The following BORCS7 variants were observed in gnomAD, a reference collection of about 807,000 sequenced individuals.
The protein encoded by BORCS7 is BLOC-1 related complex subunit 7, also known as BLOC-1-related complex subunit 7.
Under a neutral mutation model 17.5 loss-of-function variants are expected in BORCS7, and 20 were observed. The observed-to-expected ratio is 1.14, with a 90% CI of 0.80 to 1.66. The LOEUF is 1.66. Among genes scored for constraint, BORCS7 ranks in the 40% most tolerant of loss-of-function variants. BORCS7 has a pLI of 0.00. For missense variants in BORCS7, 122 were observed against 129.7 expected, an observed-to-expected ratio of 0.94 and a Z score of 0.29; for synonymous variants, 57 against 49.8, an observed-to-expected ratio of 1.14 and a Z score of -0.61.
rs1267060994 is a variant in BORCS7 at position 102,855,817 on chromosome 10, GTGGCCCGATCTC to G, written c.141+1391_141+1402del. 4.6e-5 allele frequency among the ~76,000 whole-genome samples: 7 copies of G among 152,218 alleles called. No homozygotes were observed. The South Asian group carries it at 1.0e-3, about 23-fold the overall frequency. The stretch of plus-strand genomic sequence containing the variant: ...GCTCTGTCACCCAGGCTAAAGTGCA[GTGGCCCGATCTC>G]GGGCTCACTGCAACCTCTGCCTCCT... On this transcript the variant is annotated intron_variant, in intron 1 of 4. Coordinates refer to ENST00000339834, the MANE Select transcript of BORCS7 (RefSeq NM_001136200.2).
At chr10:102,860,256 A>T in intron 1 of BORCS7, 76 bp from the exon 2 acceptor site, 1 of 1,216,384 alleles carries the variant, frequency 8.2e-7, no homozygotes, top group Non-Finnish European at 1.2e-6. Flanking sequence ...AGAGGGTAGT[A>T]GTGTAACAGC....
At chr10:102,854,591 G>C (rs1844394477) in intron 1 of BORCS7, 164 bp downstream of exon 1, 1 of 835,156 alleles carries the variant, frequency 1.2e-6, no homozygotes. Context: ...GGGGTGTGCA[G>C]TCTCTTTGGT....
intron 2 of BORCS7, 39 bp downstream of exon 2, chr10:102,860,433 G>GTA (rs1844498379): frequency 6.2e-7 from 1 of 1,610,444 alleles, no homozygotes; most frequent in Non-Finnish European, 8.5e-7. Flanking sequence ...TTGGGTTTAT[G>GTA]TATATGGTTT....
intron 3 of BORCS7, chr10:102,860,869 C>G: frequency 2.4e-6 from 1 of 421,774 alleles, no homozygotes; most frequent in African/African-American, 2.0e-5. Flanking sequence ...GGCCGTTGAT[C>G]AGTATTTGAT....
At chr10:102,860,250 G>T in intron 1 of BORCS7, 82 bp from the exon 2 acceptor site, 1 of 1,144,198 alleles carries the variant, frequency 8.7e-7, no homozygotes, top group East Asian at 2.5e-5. Flanking sequence ...GAGGAGAGAG[G>T]GTAGTAGTGT....
rs1004415032 is a variant in BORCS7, at chr10:102,864,816, A to G, written c.*1892A>G. ...AATGGTGATCAAAAACATGGAAAAA[A>G]TACTTCACTAAATAACGTCTAAGTT... On this transcript the variant is annotated 3_prime_UTR_variant, in exon 5 of 5. Coordinates refer to ENST00000339834, the MANE Select transcript of BORCS7 (RefSeq NM_001136200.2). The G allele has an allele frequency of 7.9e-5, 12 of 152,162 alleles. No homozygotes were observed. Among genetic ancestry groups the G allele is most frequent in the Admixed American group, 3.9e-4 (6 of 15,276 alleles). 9.4% of individuals were successfully genotyped at this position (152,162 alleles called of 1,614,324 possible).
chr10:102,855,881 C>T (rs1320810681), intron 1 of BORCS7, among the ~76,000 whole-genome samples: 1 of 152,160 alleles, frequency 6.6e-6, no homozygotes, highest in African/African-American at 2.4e-5. Context: ...CCTGCCTCAG[C>T]CTCCTGAGTA....
Position 102,863,054 on chromosome 10 carries a change from G to T in BORCS7, c.*130G>T. 1.2e-6 allele frequency: 1 copy of T among 827,558 alleles called. No homozygotes were observed. Among genetic ancestry groups the T allele is most frequent in the South Asian group, 1.5e-5 (1 of 64,670 alleles). The allele number at this position is 827,558 out of a possible 1,614,324, so 51.3% of individuals were successfully genotyped here. A position where few individuals can be genotyped will look rare whatever the true frequency, so the allele number is the denominator to read the frequency against. Reference sequence around the variant, plus strand: ...TTAAGTTAGAAAAGTTCTGTGTTAGGGCCGGGCGCGGTAGCTCACGCCTGT... The same window carrying T: ...TTAAGTTAGAAAAGTTCTGTGTTAGTGCCGGGCGCGGTAGCTCACGCCTGT... On this transcript the variant is annotated 3_prime_UTR_variant, in exon 5 of 5. Coordinates refer to ENST00000339834, the MANE Select transcript of BORCS7 (RefSeq NM_001136200.2).
chr10:102,854,294 C>T lies in BORCS7; in HGVS notation c.8C>T (p.Ala3Val). The change falls in exon 1 of 5, where the codon GCG (alanine) becomes GTG (valine). Residue 3 changes from alanine to valine, a missense_variant. Coordinates refer to ENST00000339834, the MANE Select transcript of BORCS7 (RefSeq NM_001136200.2). Reference sequence around the variant, plus strand: ...AACCGTTCGCTAACTGAAATGATGGCGACTGGAACGCCAGAGTCTCAAGCG... The same window carrying T: ...AACCGTTCGCTAACTGAAATGATGGTGACTGGAACGCCAGAGTCTCAAGCG... MM[A>V]TGTPESQARF... 1 of 1,605,612 alleles carries T rather than the reference C, an allele frequency of 6.2e-7. No homozygotes were observed. Among genetic ancestry groups the T allele is most frequent in the Admixed American group, 1.7e-5 (1 of 58,788 alleles).
chr10:102,858,540 C>G (rs1162477772), intron 1 of BORCS7, among the ~76,000 whole-genome samples: 4 of 152,012 alleles, frequency 2.6e-5, no homozygotes. Context: ...ATCCCAGCTA[C>G]TCAGGAGGCT....
intron 1 of BORCS7, 100 bp downstream of exon 1, chr10:102,854,527 T>G (rs960107141): frequency 3.3e-5 from 46 of 1,376,100 alleles, no homozygotes; most frequent in Non-Finnish European, 4.3e-5. Context: ...AATTGTAGGC[T>G]GTGAAGTACT....
At chr10:102,860,966 G>A (rs919642417) in intron 3 of BORCS7, 1 of 196,294 alleles carries the variant, frequency 5.1e-6, no homozygotes, top group African/African-American at 2.3e-5. Context: ...ATCCTACATG[G>A]TACATAGGTA....
chr10:102,854,572 T>TTGCATTCTGGGGTG, intron 1 of BORCS7, 145 bp downstream of exon 1: 1 of 1,033,548 alleles, frequency 9.7e-7, no homozygotes, highest in South Asian at 1.7e-5. Context: ...GAGGCGCGTG[T>TTGCATTCTGGGGTG]TGCATTCTGG....
At chr10:102,854,478 T>G (rs772699694) in intron 1 of BORCS7, 51 bp downstream of exon 1, 1 of 1,505,152 alleles carries the variant, frequency 6.6e-7, no homozygotes, top group Non-Finnish European at 8.9e-7. Context: ...AGTCGCAGTC[T>G]TTCGTTGCTG....
chr10:102,857,360 G>A (rs541408097), intron 1 of BORCS7, among the ~76,000 whole-genome samples: 10 of 152,244 alleles, frequency 6.6e-5, no homozygotes, highest in Admixed American at 5.9e-4. Flanking sequence ...GTAGATTGTT[G>A]GAACCCTTTT....
chr10:102,855,209 A>G (rs1166903278), intron 1 of BORCS7, among the ~76,000 whole-genome samples: 9 of 129,732 alleles, frequency 6.9e-5, no homozygotes, highest in East Asian at 2.2e-4. Context: ...GCCAGGCTGG[A>G]GTGTAGTGGT....
rs1239377700 is a variant in BORCS7 at position 102,854,446 on chromosome 10, C to T, written c.141+19C>T. 1.3e-6 allele frequency: 2 copies of T among 1,519,064 alleles called. No homozygotes were observed. Among genetic ancestry groups the T allele is most frequent in the Non-Finnish European group, 1.8e-6 (2 of 1,124,266 alleles). The allele number at this position is 1,519,064 out of a possible 1,614,324, so 94.1% of individuals were successfully genotyped here. ...CTCCGAGGTGAGCTGGAAGTGGACTCTCCCGGCCTGATAGTCCGGGGAGTC... is the reference window on the plus strand; with the variant it reads ...CTCCGAGGTGAGCTGGAAGTGGACTTTCCCGGCCTGATAGTCCGGGGAGTC... On this transcript the variant is annotated intron_variant, in intron 1 of 4. Transcript: ENST00000339834.
Position 102,863,350 on chromosome 10 carries a change from A to C in BORCS7, c.*426A>C, listed in dbSNP as rs11191423. The C allele has an allele frequency of 6.7e-6, 1 of 150,118 alleles. No individual in the cohort carries two copies. The highest frequency in any genetic ancestry group is 2.5e-5 in the African/African-American group (1 of 40,374). 9.3% of individuals were successfully genotyped at this position (150,118 alleles called of 1,614,324 possible). A position where few individuals can be genotyped will look rare whatever the true frequency, so the allele number is the denominator to read the frequency against. ...ATTCCATCTCCAAAAAAAAAAAAAG[A>C]AAAAAAAAAGAAAAGTTCTGTGTTG... On this transcript the variant is annotated 3_prime_UTR_variant, in exon 5 of 5. Transcript: ENST00000339834.
Position 102,860,542 on chromosome 10 carries a change from G to A in BORCS7, c.248+1G>A. 1 of 1,612,250 alleles carries A rather than the reference G, an allele frequency of 6.2e-7. No individual in the cohort carries two copies. Among genetic ancestry groups the A allele is most frequent in the Non-Finnish European group, 8.5e-7 (1 of 1,178,336 alleles). On this transcript the variant is annotated splice_donor_variant, in intron 3 of 4. Transcript: ENST00000339834. LOFTEE classifies it high-confidence loss of function. ...TAATAACAACACATCTTCAATACCA[G>A]TGAGTATGCCCCCTCCAGCAACTAT...
Sources: allele counts gnomAD v4.1 joint callset (sites outside exome capture counted in the v4.1 genomes callset), GRCh38; gene constraint gnomAD v4.1.1; transcripts MANE v1.5; gene names NCBI Gene and HGNC (gene_info 2026-07-23, HGNC 2026-07-21).